ITGA9: variants seen among roughly 807,000 people sequenced by gnomAD.
ITGA9 encodes the protein integrin alpha-9.
ITGA9 carries 56 observed loss-of-function variants against 127.8 expected under a neutral mutation model. That is an observed-to-expected ratio of 0.44 (90% CI 0.35 to 0.55). ITGA9 has a LOEUF of 0.55. Ranked by LOEUF, ITGA9 falls within the 20% of genes least tolerant of loss-of-function variation. The probability of loss-of-function intolerance (pLI) is 0.00; values close to 1 mark genes in which losing one functional copy is unlikely to be tolerated. For missense variants in ITGA9, 1,196 were observed against 1,347.1 expected (o/e 0.89, Z 1.76); for synonymous variants, 508 against 514.5 (o/e 0.99, Z 0.17).
At chr3:37,574,805 G>A (rs558509822) in intron 15 of ITGA9, among the ~76,000 whole-genome samples, 109 of 152,216 alleles carry the variant, frequency 7.2e-4, no homozygotes, top group African/African-American at 2.6e-3. Context: ...AGCCCTTCCG[G>A]GTGGTGAAGG....
intron 16 of ITGA9, among the ~76,000 whole-genome samples, chr3:37,632,755 T>A (rs1465848204): frequency 6.6e-6 from 1 of 152,144 alleles, no homozygotes; most frequent in African/African-American, 2.4e-5. Flanking sequence ...TACAACAGAA[T>A]GAGAGTCAGA....
chr3:37,542,441 GA>G lies in ITGA9; in HGVS notation c.1546del (p.Met516TrpfsTer33). The G allele has an allele frequency of 6.2e-7, 1 of 1,613,720 alleles. No individual in the cohort carries two copies. Among genetic ancestry groups the G allele is most frequent in the Non-Finnish European group, 8.5e-7 (1 of 1,180,014 alleles). ...TATTGGCAGGCCTGAATTATGTTCT[GA>G]TGGCTGACGTGGCCAAAAAGGAGAA... ...PGEIGLNYVL[M>X]ADVAKKEKGQ... On this transcript the variant is annotated frameshift_variant, in exon 15 of 28. Coordinates refer to ENST00000264741, the MANE Select transcript of ITGA9 (RefSeq NM_002207.3). LOFTEE classifies it high-confidence loss of function.
chr3:37,593,956 C>T (rs907081072), intron 15 of ITGA9, among the ~76,000 whole-genome samples: 4 of 152,190 alleles, frequency 2.6e-5, no homozygotes, highest in Non-Finnish European at 4.4e-5. Flanking sequence ...AGGAGTCTGA[C>T]CAGGGGCAAG....
intron 4 of ITGA9, among the ~76,000 whole-genome samples, chr3:37,485,058 A>C (rs1467665906): frequency 6.6e-6 from 1 of 152,178 alleles, no homozygotes; most frequent in African/African-American, 2.4e-5. Flanking sequence ...TCCAGCTACC[A>C]AGAAGCTCCC....
intron 22 of ITGA9, among the ~76,000 whole-genome samples, chr3:37,744,877 C>T (rs897574118): frequency 1.3e-5 from 2 of 152,204 alleles, no homozygotes; most frequent in African/African-American, 4.8e-5. Flanking sequence ...TCCTGAAGGT[C>T]CCAGAGCTGG....
Position 37,743,388 on chromosome 3 carries a change from C to T in ITGA9, c.2325-538C>T, listed in dbSNP as rs528829598. On this transcript the variant is annotated intron_variant, in intron 21 of 27. Coordinates refer to ENST00000264741, the MANE Select transcript of ITGA9 (RefSeq NM_002207.3). ...TGCTGCAAACTGAGCTTGAATTCTT[C>T]TCACCTCTTATGTAGCCTCCGAAAT... Among the ~76,000 whole-genome samples, 4 of 152,292 alleles carry T rather than the reference C, an allele frequency of 2.6e-5. No homozygotes were observed. The East Asian group carries it at 7.7e-4, about 29-fold the overall frequency.
At chr3:37,649,316 A>G (rs564669434) in intron 16 of ITGA9, among the ~76,000 whole-genome samples, 12 of 152,322 alleles carry the variant, frequency 7.9e-5, no homozygotes, top group African/African-American at 7.2e-5. Flanking sequence ...AACAACAACC[A>G]GGATCAAACT....
intron 23 of ITGA9, among the ~76,000 whole-genome samples, chr3:37,761,883 A>T (rs1339503090): frequency 6.6e-6 from 1 of 152,248 alleles, no homozygotes; most frequent in Non-Finnish European, 1.5e-5. Context: ...AACTCCTAGA[A>T]GTTACTCTGT....
At chr3:37,698,942 C>T (rs182855000) in intron 18 of ITGA9, among the ~76,000 whole-genome samples, 1 of 152,252 alleles carries the variant, frequency 6.6e-6, no homozygotes, top group East Asian at 1.9e-4. Context: ...TTCACGTGCC[C>T]CTCAGCCATT....
At chr3:37,775,799 G>A (rs1004632478) in intron 23 of ITGA9, among the ~76,000 whole-genome samples, 2 of 152,100 alleles carry the variant, frequency 1.3e-5, no homozygotes, top group East Asian at 3.9e-4. Flanking sequence ...AAGCAGAACT[G>A]CCAATTAACC....
Position 37,736,995 on chromosome 3 carries a change from G to T in ITGA9, c.2234+12G>T, listed in dbSNP as rs749831357. ...GTTACTGCTCAGAGGTAAGGGGGGG[G>T]TTTAAACACTTTTTTCAAAGATGAG... On this transcript the variant is annotated intron_variant, in intron 20 of 27. Transcript: ENST00000264741. 3 of 1,557,394 alleles carry T rather than the reference G, an allele frequency of 1.9e-6. No homozygotes were observed. Among genetic ancestry groups the T allele is most frequent in the East Asian group, 2.2e-5 (1 of 44,660 alleles).
chr3:37,557,851 A>G (rs1159487148), intron 15 of ITGA9, among the ~76,000 whole-genome samples: 2 of 152,210 alleles, frequency 1.3e-5, no homozygotes, highest in Admixed American at 1.3e-4. Context: ...GGGATCTGAG[A>G]TTTAGAGCAT....
At chr3:37,675,565 C>A (rs115653151) in intron 17 of ITGA9, among the ~76,000 whole-genome samples, 204 of 152,222 alleles carry the variant, frequency 1.3e-3, no homozygotes, top group African/African-American at 4.7e-3. Flanking sequence ...ATGAATGAGG[C>A]TCATTTGCAC....
intron 18 of ITGA9, among the ~76,000 whole-genome samples, chr3:37,714,003 T>C (rs1360966486): frequency 1.3e-5 from 2 of 152,224 alleles, no homozygotes; most frequent in Admixed American, 6.5e-5. Flanking sequence ...CTGTGCAGTG[T>C]CAAGGGGACA....
At chr3:37,574,025 A>G (rs1699627805) in intron 15 of ITGA9, among the ~76,000 whole-genome samples, 1 of 152,186 alleles carries the variant, frequency 6.6e-6, no homozygotes, top group Non-Finnish European at 1.5e-5. Context: ...ATTTATATTT[A>G]GCTCAGGCCT....
intron 26 of ITGA9, among the ~76,000 whole-genome samples, chr3:37,787,959 T>C (rs1461992374): frequency 5.9e-5 from 9 of 152,252 alleles, no homozygotes; most frequent in Admixed American, 5.9e-4. Context: ...GTGATCTTTT[T>C]TAATAGGAGT....
At chr3:37,605,035 TAATA>T (rs1394343609) in intron 15 of ITGA9, among the ~76,000 whole-genome samples, 1 of 152,218 alleles carries the variant, frequency 6.6e-6, no homozygotes, top group Admixed American at 6.5e-5. Flanking sequence ...AGTGAATGTA[TAATA>T]AATAAATAAT....
At chr3:37,706,655 G>A (rs1467718931) in intron 18 of ITGA9, among the ~76,000 whole-genome samples, 1 of 152,136 alleles carries the variant, frequency 6.6e-6, no homozygotes, top group African/African-American at 2.4e-5. Flanking sequence ...CCTGGCCAGG[G>A]GTGTCATTGA....
chr3:37,469,444 T>C (rs1250047180), intron 1 of ITGA9, among the ~76,000 whole-genome samples: 2 of 152,164 alleles, frequency 1.3e-5, no homozygotes, highest in African/African-American at 4.8e-5. Context: ...CGTTTCTAAA[T>C]TTTCTATTTG....
Sources: allele counts gnomAD v4.1 joint callset (sites outside exome capture counted in the v4.1 genomes callset), GRCh38; gene constraint gnomAD v4.1.1; transcripts MANE v1.5; gene names NCBI Gene and HGNC (gene_info 2026-07-23, HGNC 2026-07-21).